The following TEDC1 variants were observed in gnomAD, a reference collection of about 807,000 sequenced individuals.
The protein encoded by TEDC1 is tubulin epsilon and delta complex 1, also known as tubulin epsilon and delta complex protein 1.
In TEDC1, 54 loss-of-function variants were observed where a neutral mutation model predicts 59.9. The observed-to-expected ratio is 0.90, with a 90% CI of 0.72 to 1.13. TEDC1 has a LOEUF of 1.13. Ranked by LOEUF, TEDC1 falls within the 50% of genes most tolerant of loss-of-function variation. TEDC1 has a pLI of 0.00. For synonymous variants in TEDC1, 353 were observed against 298.1 expected (o/e 1.18, Z -1.90); for missense variants, 734 against 683.4 (o/e 1.07, Z -0.83).
rs374868630 is a variant in TEDC1, at chr14:105,493,181, A to G, written c.585+447A>G. Among the ~76,000 whole-genome samples the G allele has an allele frequency of 4.1e-3, 626 of 152,114 alleles. 9 individuals carry two copies. The highest frequency in any genetic ancestry group is 0.015 in the African/African-American group (602 of 41,498). The stretch of plus-strand genomic sequence containing the variant: ...TCCTGAAGGTGGCAGGGGCTGGCTC[A>G]GGGGCACAGGTACCCAGTGGTGTGT... On this transcript the variant is annotated intron_variant, in intron 4 of 8. Coordinates refer to ENST00000392523, the MANE Select transcript of TEDC1 (RefSeq NM_001367178.1).
chr14:105,497,991 T>TCGCTCTGGGCACCAGCCCAGCCC lies in TEDC1; in HGVS notation c.1158+16_1158+38dup, dbSNP rs1470697350. On this transcript the variant is annotated intron_variant, in intron 8 of 8. Transcript: ENST00000392523. ...TGGGAGGCCAAGGTGAGTGCCAGCC[T>TCGCTCTGGGCACCAGCCCAGCCC]CGCTCTGGGCACCAGCCCAGCCCCA... The TCGCTCTGGGCACCAGCCCAGCCC allele has an allele frequency of 6.6e-7, 1 of 1,507,054 alleles. No homozygotes were observed. The highest frequency in any genetic ancestry group is 8.9e-7 in the Non-Finnish European group (1 of 1,126,136). 93.4% of individuals were successfully genotyped at this position (1,507,054 alleles called of 1,614,324 possible). A position where few individuals can be genotyped will look rare whatever the true frequency, so the allele number is the denominator to read the frequency against.
intron 2 of TEDC1, 22 bp from the exon 3 acceptor site, chr14:105,492,085 A>T (rs1448530255): frequency 6.4e-7 from 1 of 1,571,350 alleles, no homozygotes; most frequent in Non-Finnish European, 8.6e-7. Context: ...GGTCCCCCTA[A>T]GGTGGTGGTC....
intron 7 of TEDC1, 135 bp downstream of exon 7, chr14:105,497,578 C>G (rs2084375961): frequency 8.4e-7 from 1 of 1,189,074 alleles, no homozygotes. Flanking sequence ...TAGGCTCTTT[C>G]TAGGACTTCC....
intron 5 of TEDC1, chr14:105,494,256 T>A (rs782339230): frequency 2.0e-5 from 8 of 399,788 alleles, no homozygotes; most frequent in Non-Finnish European, 3.7e-5. Flanking sequence ...ATCTCAGGTG[T>A]GAGCTGGTGG....
Position 105,497,376 on chromosome 14 carries a change from G to A in TEDC1, c.911G>A (p.Arg304His), listed in dbSNP as rs150970762. The A allele has an allele frequency of 5.9e-5, 91 of 1,551,586 alleles. No individual in the cohort carries two copies. The highest frequency in any genetic ancestry group is 4.4e-4 in the African/African-American group (32 of 73,316). The change falls in exon 7 of 9, where the codon CGT becomes CAT. Residue 304 changes from arginine (R) to histidine (H), a missense_variant. Transcript: ENST00000392523. Reference protein sequence around the residue: ...PFRALLRTLERENQRLEAVLA... With the variant: ...PFRALLRTLEHENQRLEAVLA... ...TTCCAGCTGCTGCGGACTCTGGAGCGTGAGAACCAGCGCCTGGAGGCTGTC... is the reference window on the plus strand; with the variant it reads ...TTCCAGCTGCTGCGGACTCTGGAGCATGAGAACCAGCGCCTGGAGGCTGTC...
In TEDC1 at chr14:105,496,379, C is replaced by G. The variant is rs74091206; in HGVS notation, c.891+293C>G. 2,825 of 423,216 alleles carry G rather than the reference C, an allele frequency of 6.7e-3. 64 individuals are homozygous for G. Among genetic ancestry groups the G allele is most frequent in the African/African-American group, 0.045 (2,232 of 49,972 alleles). 26.2% of individuals were successfully genotyped at this position (423,216 alleles called of 1,614,324 possible). ...ACAGACCTCCCTGTCCTCATATTCT[C>G]TGACCGCAGGCCTGCCTGCCTCTGC... On this transcript the variant is annotated intron_variant, in intron 6 of 8. Transcript: ENST00000392523.
intron 4 of TEDC1, 89 bp downstream of exon 4, chr14:105,492,823 C>G (rs1041844509): frequency 6.1e-6 from 9 of 1,467,182 alleles, no homozygotes; most frequent in African/African-American, 1.4e-5. Context: ...CCCGTGAGGC[C>G]TGGCACAGGC....
At position 105,495,954 on chromosome 14, in the gene TEDC1, G is replaced by A; in HGVS notation, c.759G>A (p.Gly253=). The A allele has an allele frequency of 1.3e-6, 2 of 1,550,372 alleles. No individual in the cohort carries two copies. The highest frequency in any genetic ancestry group is 1.7e-6 in the Non-Finnish European group (2 of 1,146,940). The change falls in exon 6 of 9, where the codon GGG becomes GGA. Residue 253 remains glycine (G), a synonymous_variant. Transcript: ENST00000392523. ...PKCLHSFCTP[G]MGPRTFWNDL... Reference sequence around the variant, plus strand: ...GCCTGCACTCCTTCTGCACTCCTGGGATGGGTCCCAGAACCTTCTGGAATG... The same window carrying A: ...GCCTGCACTCCTTCTGCACTCCTGGAATGGGTCCCAGAACCTTCTGGAATG...
At chr14:105,491,240 G>A, upstream of TEDC1, 6 of 1,538,946 alleles carry the variant, frequency 3.9e-6, no homozygotes, top group South Asian at 6.0e-5. Context: ...TGCCATGATT[G>A]GGCTCAGGTT....
Position 105,492,616 on chromosome 14 carries a change from A to T in TEDC1, c.467A>T (p.His156Leu), listed in dbSNP as rs781931988. 40 of 1,541,996 alleles carry T rather than the reference A, an allele frequency of 2.6e-5. No individual in the cohort carries two copies. The South Asian group carries it at 2.9e-4, about 11-fold the overall frequency. The change falls in exon 4 of 9, where the codon CAC becomes CTC. Residue 156 changes from histidine to leucine, a missense_variant. Transcript: ENST00000392523. ...ALASPGPPAP[H>L]MEAEGPVDVR... is the part of the protein sequence containing the mutation. ...GCCAGCCCTGGCCCACCTGCACCCCACATGGAAGCAGAGGGTCCTGTGGAT... is the reference window on the plus strand; with the variant it reads ...GCCAGCCCTGGCCCACCTGCACCCCTCATGGAAGCAGAGGGTCCTGTGGAT...
At chr14:105,492,970 G>T (rs2084251293) in intron 4 of TEDC1, among the ~76,000 whole-genome samples, 1 of 152,170 alleles carries the variant, frequency 6.6e-6, no homozygotes, top group South Asian at 2.1e-4. Flanking sequence ...GGGTGTCAGA[G>T]AGCTCACAGA....
At chr14:105,496,956 C>T (rs587621207) in intron 6 of TEDC1, 12 of 270,894 alleles carry the variant, frequency 4.4e-5, no homozygotes, top group Admixed American at 1.7e-4. Flanking sequence ...CCGGATACAG[C>T]CCGCATTCAG....
intron 1 of TEDC1, 46 bp from the exon 2 acceptor site, chr14:105,491,576 G>A (rs1555439301): frequency 6.5e-7 from 1 of 1,546,372 alleles, no homozygotes; most frequent in Admixed American, 2.0e-5. Flanking sequence ...GCCCTCGCAG[G>A]GAGTTGGGCC....
Position 105,497,360 on chromosome 14 carries a change from C to G in TEDC1, c.895C>G (p.Leu299Val). The G allele has an allele frequency of 6.4e-7, 1 of 1,550,784 alleles. No homozygotes were observed. Among genetic ancestry groups the G allele is most frequent in the South Asian group, 1.2e-5 (1 of 84,154 alleles). Residue 299 changes from leucine (L) to valine (V), a missense_variant, in exon 7 of 9, where the codon CTG (leucine) becomes GTG (valine). Transcript: ENST00000392523. Reference sequence around the variant, plus strand: ...CCAGCTGCCGTTTGCCTTCCAGCTGCTGCGGACTCTGGAGCGTGAGAACCA... The same window carrying G: ...CCAGCTGCCGTTTGCCTTCCAGCTGGTGCGGACTCTGGAGCGTGAGAACCA... ...CSLLSPFRAL[L>V]RTLERENQRL... is the part of the protein sequence containing the mutation.
rs1555439386 is a variant in TEDC1, at chr14:105,491,695, C to G, written c.221C>G (p.Ala74Gly). The G allele has an allele frequency of 1.9e-6, 3 of 1,548,580 alleles. No homozygotes were observed. Among genetic ancestry groups the G allele is most frequent in the South Asian group, 1.2e-5 (1 of 84,052 alleles). The part of the protein sequence containing the change: ...LPAGNALASL[A>G]LEVQARLVKS... ...GCGGGCAACGCCTTGGCATCGCTCG[C>G]CCTGGGTAAGCCCCGCTCCTGGCCC... The change falls in exon 2 of 9, where the codon GCC becomes GGC. Residue 74 changes from alanine (A) to glycine (G), a missense_variant. Ala to Gly is a moderately conservative substitution (Grantham distance 60). Coordinates refer to ENST00000392523, the MANE Select transcript of TEDC1 (RefSeq NM_001367178.1).
rs1190893702 is a variant in TEDC1 at position 105,499,157 on chromosome 14, T to C, written c.*211T>C. ...CTGGGGACAGGAATGGCTGGTCCCT[T>C]GAGGAGGTCGTGACAGGCTCAGCCT... is the stretch of plus-strand genomic sequence containing the variant. On this transcript the variant is annotated 3_prime_UTR_variant, in exon 9 of 9. Transcript: ENST00000392523. 13 of 605,770 alleles carry C rather than the reference T, an allele frequency of 2.1e-5. No individual in the cohort carries two copies. The East Asian group carries it at 3.4e-4, about 16-fold the overall frequency. 37.5% of individuals were successfully genotyped at this position (605,770 alleles called of 1,614,324 possible).
intron 2 of TEDC1, 125 bp from the exon 3 acceptor site, chr14:105,491,982 C>A: frequency 9.5e-7 from 1 of 1,057,578 alleles, no homozygotes; most frequent in Non-Finnish European, 1.4e-6. Context: ...AGCTCTCCCA[C>A]TATCATCTCT....
intron 6 of TEDC1, 52 bp downstream of exon 6, chr14:105,496,138 G>T: frequency 2.3e-6 from 1 of 430,166 alleles, no homozygotes; most frequent in Non-Finnish European, 4.2e-6. Context: ...TTGGGGGTGG[G>T]TGGGAGGGGG....
rs1241846641 is a variant in TEDC1, at chr14:105,495,962, C to T, written c.767C>T (p.Pro256Leu). The T allele has an allele frequency of 2.6e-6, 4 of 1,550,218 alleles. No homozygotes were observed. In the African/African-American group the frequency reaches 5.5e-5, roughly 21 times the overall value. ...TCCTTCTGCACTCCTGGGATGGGTC[C>T]CAGAACCTTCTGGAATGATCTGTGG... ...LHSFCTPGMG[P>L]RTFWNDLWLV... The change falls in exon 6 of 9, where the codon CCC (proline) becomes CTC (leucine). Residue 256 changes from proline (P) to leucine (L), a missense_variant. Pro to Leu is a moderately conservative substitution (Grantham distance 98). Transcript: ENST00000392523.
Sources: gnomAD v4.1 joint callset for allele counts (sites outside exome capture counted in the v4.1 genomes callset) on GRCh38, gnomAD v4.1.1 for gene constraint, MANE v1.5 for transcripts, NCBI Gene and HGNC (gene_info 2026-07-23, HGNC 2026-07-21) for gene names.